The following THSD4 variants were observed in gnomAD, a reference collection of about 807,000 sequenced individuals.
THSD4 encodes the protein thrombospondin type 1 domain containing 4.
In THSD4, 69 loss-of-function variants were observed where a neutral mutation model predicts 119.0. The observed-to-expected ratio is 0.58, with a 90% CI of 0.48 to 0.71. The LOEUF is 0.71. THSD4 is among the 30% of genes least tolerant of loss of function. The pLI is 0.00. For missense variants in THSD4, 1,393 were observed against 1,391.1 expected, an observed-to-expected ratio of 1.00 and a Z score of -0.02; for synonymous variants, 524 against 540.4, an observed-to-expected ratio of 0.97 and a Z score of 0.42.
intron 8 of THSD4, among the ~76,000 whole-genome samples, chr15:71,696,787 C>T (rs2052174210): frequency 6.6e-6 from 1 of 152,182 alleles, no homozygotes; most frequent in South Asian, 2.1e-4. Context: ...TTCCAGCCCA[C>T]CCCACTACAG....
rs1032446412 is a variant in THSD4, at chr15:71,664,641, C to T, written c.1357+3907C>T. ...TATCCAATAGTTATTTTTTCTGATCCTTTCCCTCCTCCCACCCTCAAGTAG... is the reference window on the plus strand; with the variant it reads ...TATCCAATAGTTATTTTTTCTGATCTTTTCCCTCCTCCCACCCTCAAGTAG... On this transcript the variant is annotated intron_variant, in intron 8 of 17. Transcript: ENST00000261862. 5.9e-5 allele frequency among the ~76,000 whole-genome samples: 9 copies of T among 152,028 alleles called. 1 individual carries two copies. Among genetic ancestry groups the T allele is most frequent in the South Asian group, 2.1e-4 (1 of 4,810 alleles).
chr15:71,268,895 C>A lies in THSD4; in HGVS notation c.1015+12180C>A, dbSNP rs113953166. On this transcript the variant is annotated intron_variant, in intron 6 of 17. Coordinates refer to ENST00000261862, the MANE Select transcript of THSD4 (RefSeq NM_024817.3). The stretch of plus-strand genomic sequence containing the variant: ...GGATAAATTCCTGGATGAATACACC[C>A]TTCCAAGACTAAACCAGGAAGAAGT... Among the ~76,000 whole-genome samples the A allele has an allele frequency of 7.2e-3, 1,099 of 152,232 alleles. 16 individuals carry two copies. Among genetic ancestry groups the A allele is most frequent in the African/African-American group, 0.025 (1,050 of 41,542 alleles).
At chr15:71,304,001 G>A (rs1312989215) in intron 6 of THSD4, among the ~76,000 whole-genome samples, 1 of 152,158 alleles carries the variant, frequency 6.6e-6, no homozygotes, top group Non-Finnish European at 1.5e-5. Context: ...GCAAGAAGTC[G>A]AGAAGGACAC....
intron 7 of THSD4, among the ~76,000 whole-genome samples, chr15:71,577,219 C>A (rs777300365): frequency 2.6e-5 from 4 of 152,124 alleles, no homozygotes; most frequent in Non-Finnish European, 5.9e-5. Flanking sequence ...TGTTTTAAAT[C>A]TCTTGCAGTT....
intron 4 of THSD4, among the ~76,000 whole-genome samples, chr15:71,236,781 G>A (rs1048693618): frequency 7.2e-5 from 11 of 152,168 alleles, no homozygotes; most frequent in African/African-American, 2.7e-4. Flanking sequence ...TAAGGCAGGT[G>A]TGCAAACAAT....
At chr15:71,231,627 C>A (rs1412755356) in intron 4 of THSD4, among the ~76,000 whole-genome samples, 4 of 152,146 alleles carry the variant, frequency 2.6e-5, no homozygotes, top group African/African-American at 7.2e-5. Flanking sequence ...AGGCTCAGAG[C>A]AAACCTGTCA....
At chr15:71,187,705 G>A (rs1477791387) in intron 3 of THSD4, 1 of 152,266 alleles carries the variant, frequency 6.6e-6, no homozygotes, top group Non-Finnish European at 1.5e-5. Flanking sequence ...ATCAGCCCTT[G>A]AGCTGCATTT....
At chr15:71,759,270 A>C (rs534685200) in intron 15 of THSD4, among the ~76,000 whole-genome samples, 1 of 152,352 alleles carries the variant, frequency 6.6e-6, no homozygotes, top group East Asian at 1.9e-4. Flanking sequence ...ATTCAGAAAG[A>C]ATTCAAGTAC....
At chr15:71,535,674 C>A (rs2048680099) in intron 7 of THSD4, among the ~76,000 whole-genome samples, 1 of 152,094 alleles carries the variant, frequency 6.6e-6, no homozygotes, top group Admixed American at 6.6e-5. Context: ...TTTGCATTTC[C>A]CTAATGACTC....
At chr15:71,610,284 G>C (rs1292196802) in intron 7 of THSD4, among the ~76,000 whole-genome samples, 1 of 152,148 alleles carries the variant, frequency 6.6e-6, no homozygotes, top group Non-Finnish European at 1.5e-5. Context: ...CCCTCCTTTA[G>C]AGAGGGCACC....
At chr15:71,661,724 AATAG>A (rs2051312546) in intron 8 of THSD4, among the ~76,000 whole-genome samples, 1 of 152,174 alleles carries the variant, frequency 6.6e-6, no homozygotes, top group African/African-American at 2.4e-5. Context: ...ATGAATTTCT[AATAG>A]ATGTAAGCAT....
intron 7 of THSD4, among the ~76,000 whole-genome samples, chr15:71,619,131 G>A (rs7176370): frequency 0.014 from 2,150 of 151,394 alleles, 55 homozygotes; most frequent in African/African-American, 0.049. Flanking sequence ...CACCACGCCC[G>A]GCTAATTTTT....
intron 6 of THSD4, 111 bp from the exon 7 acceptor site, chr15:71,411,576 T>C (rs997530246): frequency 4.1e-6 from 5 of 1,213,244 alleles, no homozygotes; most frequent in Non-Finnish European, 5.7e-6. Flanking sequence ...TTTTGTGTTA[T>C]ACAAATTTTT....
At chr15:71,499,331 G>T (rs936334466) in intron 7 of THSD4, among the ~76,000 whole-genome samples, 2 of 152,112 alleles carry the variant, frequency 1.3e-5, no homozygotes, top group Admixed American at 1.3e-4. Context: ...AGGAGCAGCA[G>T]TCTCTCAAAC....
At chr15:71,719,071 C>CA (rs2052665487) in intron 8 of THSD4, among the ~76,000 whole-genome samples, 1 of 152,218 alleles carries the variant, frequency 6.6e-6, no homozygotes, top group South Asian at 2.1e-4. Context: ...ACCACACAAA[C>CA]TTTCTTTAAA....
intron 8 of THSD4, among the ~76,000 whole-genome samples, chr15:71,716,257 C>T (rs1230201186): frequency 6.6e-6 from 1 of 152,124 alleles, no homozygotes; most frequent in Admixed American, 6.6e-5. Flanking sequence ...ACCAGTCATA[C>T]TGGATTTAGG....
At chr15:71,479,865 A>T (rs1275374469) in intron 7 of THSD4, among the ~76,000 whole-genome samples, 1 of 152,232 alleles carries the variant, frequency 6.6e-6, no homozygotes, top group Non-Finnish European at 1.5e-5. Context: ...TGATTGAGAA[A>T]GAAAAAAGTG....
At chr15:71,306,307 CAAAAAAAAAAAAAAAAAA>C (rs67260180) in intron 6 of THSD4, among the ~76,000 whole-genome samples, 2 of 62,940 alleles carry the variant, frequency 3.2e-5, no homozygotes, top group African/African-American at 6.6e-5. Context: ...ACTCTTGCCT[CAAAAAAAAAAAAAAAAAA>C]AAAAAAAAAA....
chr15:71,618,199 C>T (rs1016486194), intron 7 of THSD4, among the ~76,000 whole-genome samples: 2 of 152,160 alleles, frequency 1.3e-5, no homozygotes, highest in Admixed American at 1.3e-4. Context: ...TTGGAGGTCA[C>T]CTTGTTTAGA....
Sources: gnomAD v4.1 joint callset for allele counts (sites outside exome capture counted in the v4.1 genomes callset) on GRCh38, gnomAD v4.1.1 for gene constraint, MANE v1.5 for transcripts, NCBI Gene and HGNC (gene_info 2026-07-23, HGNC 2026-07-21) for gene names.